FAM107B: variants seen among roughly 807,000 people sequenced by gnomAD.
FAM107B encodes the protein protein FAM107B.
In FAM107B, 21 loss-of-function variants were observed where a neutral mutation model predicts 31.5. The observed-to-expected ratio is 0.67, with a 90% CI of 0.47 to 0.96. FAM107B has a LOEUF of 0.96. FAM107B is among the 40% of genes least tolerant of loss of function. The pLI is 0.00. For synonymous variants in FAM107B, 157 were observed against 141.5 expected, an observed-to-expected ratio of 1.11 and a Z score of -0.78; for missense variants, 452 against 377.1, an observed-to-expected ratio of 1.20 and a Z score of -1.64.
At chr10:14,555,942 G>C (rs895911226) in intron 2 of FAM107B, 1 of 150,002 alleles carries the variant, frequency 6.7e-6, no homozygotes, top group Non-Finnish European at 1.5e-5. Flanking sequence ...AGTGCAATCA[G>C]GCCACACGTG....
chr10:14,759,263 G>C (rs771134408), intron 1 of FAM107B, among the ~76,000 whole-genome samples: 1 of 152,122 alleles, frequency 6.6e-6, no homozygotes, highest in African/African-American at 2.4e-5. Context: ...GCATTCCCAC[G>C]TAGGTGAAAG....
chr10:14,719,689 T>C (rs1855866606), intron 1 of FAM107B, among the ~76,000 whole-genome samples: 2 of 152,190 alleles, frequency 1.3e-5, no homozygotes, highest in Non-Finnish European at 2.9e-5. Context: ...TATGTTCCTC[T>C]CTCTCTGCTT....
chr10:14,572,722 C>T (rs11259198), intron 2 of FAM107B, among the ~76,000 whole-genome samples: 15,595 of 53,344 alleles, frequency 0.29, 1,168 homozygotes, highest in Middle Eastern at 0.38. Flanking sequence ...CCCATCTCTT[C>T]AAAAAAAAAA....
At chr10:14,774,152 A>G in intron 1 of FAM107B, 101 bp downstream of exon 1, 1 of 1,430,130 alleles carries the variant, frequency 7.0e-7, no homozygotes, top group Admixed American at 2.3e-5. Flanking sequence ...TGCCTTATTC[A>G]GTAAGGTTAA....
At chr10:14,709,205 A>T (rs1296999975) in intron 1 of FAM107B, among the ~76,000 whole-genome samples, 1 of 152,240 alleles carries the variant, frequency 6.6e-6, no homozygotes, top group Non-Finnish European at 1.5e-5. Flanking sequence ...ATTTACCCAA[A>T]TGACTGGAAA....
At chr10:14,678,457 T>G (rs147198121) in intron 1 of FAM107B, among the ~76,000 whole-genome samples, 1 of 152,194 alleles carries the variant, frequency 6.6e-6, no homozygotes, top group Non-Finnish European at 1.5e-5. Context: ...GAAACTTCCA[T>G]GTTCATGGCA....
At position 14,520,401 on chromosome 10, in the gene FAM107B, C is replaced by T. The variant is rs1845519110; in HGVS notation, c.*789G>A. The T allele has an allele frequency of 6.6e-6, 1 of 152,168 alleles. No individual in the cohort carries two copies. Among genetic ancestry groups the T allele is most frequent in the Admixed American group, 6.5e-5 (1 of 15,280 alleles). 9.4% of individuals were successfully genotyped at this position (152,168 alleles called of 1,614,324 possible). ...CTAAGGGACTGGAAGGTTATTCCAT[C>T]TGAAAGAACTAGATCAGCAAGACAT... On this transcript the variant is annotated 3_prime_UTR_variant, in exon 5 of 5. Transcript: ENST00000181796.
chr10:14,619,212 G>A (rs1852932013), intron 2 of FAM107B, among the ~76,000 whole-genome samples: 1 of 152,164 alleles, frequency 6.6e-6, no homozygotes. Flanking sequence ...GCGATACTTT[G>A]TTACAGCAAC....
intron 2 of FAM107B, among the ~76,000 whole-genome samples, chr10:14,573,576 C>CAAAAAAAA (rs774786735): frequency 2.5e-5 from 3 of 122,028 alleles, no homozygotes; most frequent in South Asian, 2.7e-4. Context: ...ATTAAAAATA[C>CAAAAAAAA]AAAAAAAAAA....
chr10:14,635,371 C>A (rs1184185182), intron 2 of FAM107B, among the ~76,000 whole-genome samples: 3 of 152,156 alleles, frequency 2.0e-5, no homozygotes, highest in Non-Finnish European at 4.4e-5. Context: ...AACAGCCCAC[C>A]TAAGGCTAAA....
rs115960123 is a variant in FAM107B, at chr10:14,765,543, A to G, written c.411+8710T>C. ...CTTTTGAAAGTAGAAAGCTGGCATA[A>G]GAAGTGATCAGGGCTGAAATGGAAT... On this transcript the variant is annotated intron_variant, in intron 1 of 4. Transcript: ENST00000181796. Among the ~76,000 whole-genome samples, 184 of 152,344 alleles carry G rather than the reference A, an allele frequency of 1.2e-3. 1 individual carries two copies. Among genetic ancestry groups the G allele is most frequent in the African/African-American group, 4.3e-3 (177 of 41,574 alleles).
rs142025900 is a variant in FAM107B at position 14,578,808 on chromosome 10, T to C, written c.470-48293A>G. Reference sequence around the variant, plus strand: ...ATGCATACCATTCCTGGCAAATCATTGTTGGGAACAAACAATGACGATCAA... The same window carrying C: ...ATGCATACCATTCCTGGCAAATCATCGTTGGGAACAAACAATGACGATCAA... On this transcript the variant is annotated intron_variant, in intron 2 of 4. Coordinates refer to ENST00000181796, the MANE Select transcript of FAM107B (RefSeq NM_031453.4). 2.8e-3 allele frequency among the ~76,000 whole-genome samples: 431 copies of C among 152,312 alleles called. 11 individuals carry two copies. The East Asian group carries it at 0.061, about 22-fold the overall frequency.
chr10:14,695,605 T>G (rs554150945), intron 1 of FAM107B, among the ~76,000 whole-genome samples: 3 of 152,356 alleles, frequency 2.0e-5, no homozygotes, highest in African/African-American at 7.2e-5. Context: ...CACCATTAAT[T>G]CTTCCAATCC....
intron 1 of FAM107B, among the ~76,000 whole-genome samples, chr10:14,671,879 AAAAAAC>A (rs1854558669): frequency 2.0e-5 from 1 of 49,678 alleles, no homozygotes. Context: ...ATTTAAAAAA[AAAAAAC>A]AAAAAAACAA....
chr10:14,769,323 A>G (rs1833249528), intron 1 of FAM107B, among the ~76,000 whole-genome samples: 2 of 152,268 alleles, frequency 1.3e-5, no homozygotes, highest in Admixed American at 6.5e-5. Flanking sequence ...CCAAAAATCA[A>G]TGAAGTTGTC....
intron 2 of FAM107B, among the ~76,000 whole-genome samples, chr10:14,538,114 T>C (rs1369307038): frequency 6.6e-6 from 1 of 152,214 alleles, no homozygotes; most frequent in Non-Finnish European, 1.5e-5. Context: ...AATGATTTCC[T>C]GTCTCTCAAC....
intron 1 of FAM107B, among the ~76,000 whole-genome samples, chr10:14,738,497 A>G (rs546568771): frequency 6.6e-6 from 1 of 152,342 alleles, no homozygotes; most frequent in South Asian, 2.1e-4. Flanking sequence ...TCTTAGCTCT[A>G]AAATGAGATG....
chr10:14,594,937 A>C (rs1852138347), intron 2 of FAM107B, among the ~76,000 whole-genome samples: 1 of 152,200 alleles, frequency 6.6e-6, no homozygotes, highest in Non-Finnish European at 1.5e-5. Context: ...AACTCTAAGA[A>C]GGTTCCTTAA....
chr10:14,576,083 G>A (rs1479390213), intron 2 of FAM107B, among the ~76,000 whole-genome samples: 1 of 152,248 alleles, frequency 6.6e-6, no homozygotes, highest in Non-Finnish European at 1.5e-5. Flanking sequence ...CAGGGGCTGG[G>A]AGAAGGGAAT....
Sources: allele counts gnomAD v4.1 joint callset (sites outside exome capture counted in the v4.1 genomes callset), GRCh38; gene constraint gnomAD v4.1.1; transcripts MANE v1.5; gene names NCBI Gene and HGNC (gene_info 2026-07-23, HGNC 2026-07-21).